The following DGKG variants were observed in gnomAD, a reference collection of about 807,000 sequenced individuals.
DGKG encodes DAG kinase gamma.
DGKG carries 78 observed loss-of-function variants against 105.3 expected under a neutral mutation model. The observed-to-expected ratio is 0.74, with a 90% confidence interval of 0.62 to 0.89. The LOEUF (loss-of-function observed/expected upper bound fraction) is 0.89. Among genes scored for constraint, DGKG ranks in the 40% least tolerant of loss-of-function variants. The pLI is 0.00. For missense variants in DGKG, 958 were observed against 1,020.1 expected (o/e 0.94, Z 0.83); for synonymous variants, 346 against 367.1 (o/e 0.94, Z 0.66).
rs41268605 is a variant in DGKG at position 186,268,936 on chromosome 3, C to T, written c.1000-19G>A. 1.6e-4 allele frequency: 257 copies of T among 1,574,538 alleles called. No individual in the cohort carries two copies. Among genetic ancestry groups the T allele is most frequent in the Non-Finnish European group, 2.0e-4 (233 of 1,144,910 alleles). On this transcript the variant is annotated intron_variant, in intron 11 of 24. Transcript: ENST00000265022. ...GCATCACCTGCGGGAGGGAAGCGAA[C>T]GATGCCAGGGAAAATGGCAGAACCA...
rs752203940 is a variant in DGKG at position 186,272,241 on chromosome 3, T to C, written c.999+14A>G. The C allele has an allele frequency of 6.2e-7, 1 of 1,600,142 alleles. No homozygotes were observed. The highest frequency in any genetic ancestry group is 8.6e-7 in the Non-Finnish European group (1 of 1,167,364). On this transcript the variant is annotated intron_variant, in intron 11 of 24. Transcript: ENST00000265022. Reference sequence around the variant, plus strand: ...TGAGGCATGCAGTAGAACAAGGCAGTAGATGTCACCAACCTCACCACTCCT... The same window carrying C: ...TGAGGCATGCAGTAGAACAAGGCAGCAGATGTCACCAACCTCACCACTCCT...
At chr3:186,316,837 T>C (rs756660316) in intron 2 of DGKG, among the ~76,000 whole-genome samples, 7 of 152,272 alleles carry the variant, frequency 4.6e-5, no homozygotes, top group Non-Finnish European at 1.0e-4. Context: ...CTCCTGTTTA[T>C]GTGGTTACGG....
rs55826465 is a variant in DGKG, at chr3:186,297,068, T to TCACACACACACACACACA, written c.373+335_373+352dup. Among the ~76,000 whole-genome samples the TCACACACACACACACACA allele has an allele frequency of 9.0e-3, 1,172 of 130,416 alleles. 7 individuals carry two copies. Among genetic ancestry groups the TCACACACACACACACACA allele is most frequent in the South Asian group, 0.012 (43 of 3,566 alleles). The allele number at this position is 130,416 out of a possible 152,430, so 85.6% of individuals were successfully genotyped here. ...CTCTCTGTCTGTCTGTCTGTCTCTC[T>TCACACACACACACACACA]CACACACACACACACACACACACAC... On this transcript the variant is annotated intron_variant, in intron 5 of 24. Coordinates refer to ENST00000265022, the MANE Select transcript of DGKG (RefSeq NM_001346.3).
At chr3:186,235,040 G>T (rs1720348294) in intron 20 of DGKG, among the ~76,000 whole-genome samples, 1 of 152,036 alleles carries the variant, frequency 6.6e-6, no homozygotes, top group Admixed American at 6.6e-5. Context: ...AGCACCTGAT[G>T]AAAAAAACAT....
At chr3:186,317,430 G>A (rs1314135439) in intron 2 of DGKG, among the ~76,000 whole-genome samples, 1 of 152,012 alleles carries the variant, frequency 6.6e-6, no homozygotes, top group Non-Finnish European at 1.5e-5. Flanking sequence ...CACCCTCCTG[G>A]GGCCTACAGG....
At chr3:186,308,439 GC>G (rs1378297861) in intron 2 of DGKG, among the ~76,000 whole-genome samples, 1 of 152,136 alleles carries the variant, frequency 6.6e-6, no homozygotes, top group African/African-American at 2.4e-5. Context: ...AAACATCTGA[GC>G]CAAAGGACGA....
At chr3:186,355,179 TCAC>T (rs1255360918) in intron 1 of DGKG, among the ~76,000 whole-genome samples, 3 of 28,804 alleles carry the variant, frequency 1.0e-4, no homozygotes, top group African/African-American at 3.5e-4. Context: ...CCCACAACTA[TCAC>T]CACCACCATC....
intron 23 of DGKG, among the ~76,000 whole-genome samples, chr3:186,163,077 C>A (rs140746227): frequency 2.6e-5 from 4 of 152,154 alleles, no homozygotes; most frequent in Non-Finnish European, 4.4e-5. Context: ...ATGATTATAG[C>A]TCACTGCAGC....
In DGKG at chr3:186,147,748, A is replaced by G. The variant is rs1715569059; in HGVS notation, c.*2342T>C. On this transcript the variant is annotated 3_prime_UTR_variant, in exon 25 of 25. Coordinates refer to ENST00000265022, the MANE Select transcript of DGKG (RefSeq NM_001346.3). ...CTCAATAGCCTCAATCTTGGGGATC[A>G]TGGCTGAAACACATGCACGAACTTC... is the stretch of plus-strand genomic sequence containing the variant. 1 of 985,318 alleles carries G rather than the reference A, an allele frequency of 1.0e-6. No individual in the cohort carries two copies. Among genetic ancestry groups the G allele is most frequent in the Non-Finnish European group, 1.2e-6 (1 of 829,928 alleles). 61.0% of individuals were successfully genotyped at this position (985,318 alleles called of 1,614,324 possible). A position where few individuals can be genotyped will look rare whatever the true frequency, so the allele number is the denominator to read the frequency against.
At chr3:186,215,131 T>C (rs1430149696) in intron 20 of DGKG, among the ~76,000 whole-genome samples, 2 of 151,960 alleles carry the variant, frequency 1.3e-5, no homozygotes, top group African/African-American at 2.4e-5. Flanking sequence ...TAAAATCTGG[T>C]GGGGCGCGAC....
In DGKG at chr3:186,226,311, T is replaced by C. The variant is rs1719856322; in HGVS notation, c.1827-14426A>G. 6.6e-6 allele frequency among the ~76,000 whole-genome samples: 1 copy of C among 152,232 alleles called. No homozygotes were observed. The highest frequency in any genetic ancestry group is 1.5e-5 in the Non-Finnish European group (1 of 68,044). ...TCAGCTGTTAACCATTTCATTTTTC[T>C]TTAGTGCAATTTTTACCAGTTGTGG... On this transcript the variant is annotated intron_variant, in intron 20 of 24. Coordinates refer to ENST00000265022, the MANE Select transcript of DGKG (RefSeq NM_001346.3). The surrounding 1 kb of genome is among the most constrained non-coding windows in gnomAD (Gnocchi z 4.2).
intron 20 of DGKG, among the ~76,000 whole-genome samples, chr3:186,230,326 G>A (rs1035997311): frequency 3.3e-5 from 5 of 152,194 alleles, no homozygotes; most frequent in African/African-American, 1.2e-4. Context: ...GAGTGTAAGA[G>A]AAAGTGGAGT....
chr3:186,266,985 A>G (rs1273969857), intron 13 of DGKG, among the ~76,000 whole-genome samples: 2 of 152,178 alleles, frequency 1.3e-5, no homozygotes, highest in African/African-American at 4.8e-5. Flanking sequence ...CATTTTTAAG[A>G]TGGGAAGATG....
chr3:186,285,046 C>A (rs12495228), intron 6 of DGKG, among the ~76,000 whole-genome samples: 1 of 152,142 alleles, frequency 6.6e-6, no homozygotes, highest in Non-Finnish European at 1.5e-5. Context: ...GGCAGAGGCA[C>A]CAGAATTTTT....
At chr3:186,350,733 T>C (rs1367849474) in intron 1 of DGKG, among the ~76,000 whole-genome samples, 1 of 152,240 alleles carries the variant, frequency 6.6e-6, no homozygotes. Flanking sequence ...CCAATTGCTC[T>C]ACATCCTTGC....
rs756761067 is a variant in DGKG at position 186,200,627 on chromosome 3, T to C, written c.1917+11168A>G. On this transcript the variant is annotated intron_variant, in intron 21 of 24. Transcript: ENST00000265022. ...ATTCAGCTTTGTTTTGGCAGGCTAG[T>C]GTGCGCTGTGCTGAAAGAGTGCCAT... Among the ~76,000 whole-genome samples the C allele has an allele frequency of 5.4e-4, 82 of 152,110 alleles. 1 individual carries two copies. Among genetic ancestry groups the C allele is most frequent in the Non-Finnish European group, 1.8e-4 (12 of 68,018 alleles).
intron 21 of DGKG, among the ~76,000 whole-genome samples, chr3:186,197,510 C>A: frequency 6.6e-6 from 1 of 152,136 alleles, no homozygotes; most frequent in Non-Finnish European, 1.5e-5. Context: ...TGTGCAGCCC[C>A]CGGGGCCTGT....
intron 20 of DGKG, among the ~76,000 whole-genome samples, chr3:186,216,015 G>A (rs1338368511): frequency 2.6e-5 from 4 of 151,254 alleles, no homozygotes; most frequent in Non-Finnish European, 5.9e-5. Flanking sequence ...TATTTGGGGG[G>A]TGGGGCAGAG....
chr3:186,279,470 C>G (rs1428565588), intron 9 of DGKG: 4 of 158,162 alleles, frequency 2.5e-5, no homozygotes, highest in Non-Finnish European at 5.5e-5. Context: ...TCCCTTCGTT[C>G]TTTCCTCTCA....
Sources: allele counts gnomAD v4.1 joint callset (sites outside exome capture counted in the v4.1 genomes callset), GRCh38; gene constraint gnomAD v4.1.1; non-coding constraint Gnocchi (gnomAD v3.1); transcripts MANE v1.5; gene names NCBI Gene and HGNC (gene_info 2026-07-23, HGNC 2026-07-21).